Variants in TMEM253 observed in about 807,000 individuals in gnomAD.
TMEM253 encodes the protein transmembrane protein C14orf176.
Under a neutral mutation model 20.3 loss-of-function variants are expected in TMEM253, and 22 were observed. The observed-to-expected ratio is 1.08, with a 90% CI of 0.78 to 1.55. The LOEUF is 1.55. TMEM253 is among the 40% of genes most tolerant of loss of function. The pLI is 0.00. For synonymous variants in TMEM253, 92 were observed against 102.6 expected (o/e 0.90, Z 0.62); for missense variants, 251 against 266.1 (o/e 0.94, Z 0.39).
Position 21,101,199 on chromosome 14 carries a change from C to T in TMEM253, c.-37+15C>T. On this transcript the variant is annotated intron_variant, in intron 1 of 6. Coordinates refer to ENST00000556585, the Ensembl canonical transcript of TMEM253. ...CTTCAGACTAGGTAGGTGTGAGGAC[C>T]TGGACCTCAAATCCCTGGATATTGG... is the stretch of plus-strand genomic sequence containing the variant. The T allele has an allele frequency of 1.4e-6, 1 of 727,544 alleles. No homozygotes were observed. The highest frequency in any genetic ancestry group is 2.2e-6 in the Non-Finnish European group (1 of 446,530). The allele number at this position is 727,544 out of a possible 1,614,324, so 45.1% of individuals were successfully genotyped here.
In TMEM253 at chr14:21,102,728, G is replaced by GA. The variant is rs1460483553; in HGVS notation, c.486dup (p.Pro163ThrfsTer20). The GA allele has an allele frequency of 3.9e-6, 6 of 1,551,346 alleles. No homozygotes were observed. Among genetic ancestry groups the GA allele is most frequent in the Admixed American group, 2.0e-5 (1 of 50,994 alleles). Reference sequence around the variant, plus strand: ...ACGCCCTATTCTTGCTGAGCCAGAGGAAACCAGGATGCTGCAGGAGCCAGA... The same window carrying GA: ...ACGCCCTATTCTTGCTGAGCCAGAGGAAAACCAGGATGCTGCAGGAGCCAGA... On this transcript the variant is annotated frameshift_variant, in exon 6 of 7. Coordinates refer to ENST00000556585, the Ensembl canonical transcript of TMEM253. LOFTEE classifies it low-confidence loss of function (END_TRUNC).
At chr14:21,101,235 A>C (rs992561745) in intron 1 of TMEM253, 51 bp downstream of exon 1, 3 of 978,814 alleles carry the variant, frequency 3.1e-6, no homozygotes, top group Non-Finnish European at 4.6e-6. Flanking sequence ...GAGTGGGCAG[A>C]GGTGTAGCTG....
Position 21,101,303 on chromosome 14 carries a change from C to T in TMEM253, c.-36-5C>T, listed in dbSNP as rs1427251342. On this transcript the variant is annotated splice_polypyrimidine_tract_variant and splice_region_variant and intron_variant, in intron 1 of 6. Coordinates refer to ENST00000556585, the Ensembl canonical transcript of TMEM253. Reference sequence around the variant, plus strand: ...TAGACAGAACCTATAACGCATTTTTCCCAGCCTAGGAAGCACCTAATTCTT... The same window carrying T: ...TAGACAGAACCTATAACGCATTTTTTCCAGCCTAGGAAGCACCTAATTCTT... 12 of 1,540,700 alleles carry T rather than the reference C, an allele frequency of 7.8e-6. No homozygotes were observed. Among genetic ancestry groups the T allele is most frequent in the Non-Finnish European group, 9.7e-6 (11 of 1,138,578 alleles).
chr14:21,101,508 TTCCATCCA>T, intron 2 of TMEM253, 57 bp downstream of exon 2: 3 of 1,456,280 alleles, frequency 2.1e-6, no homozygotes, highest in African/African-American at 1.4e-5. Context: ...CCCAATTCAA[TTCCATCCA>T]TCCATCCATC....
In TMEM253 at chr14:21,102,213, T is replaced by C; in HGVS notation, c.276+93T>C. Reference sequence around the variant, plus strand: ...AGGAAGTAAGTGGCTAAGTGTTGACTCATTCTCTCAGCTGTCACCACTGAC... The same window carrying C: ...AGGAAGTAAGTGGCTAAGTGTTGACCCATTCTCTCAGCTGTCACCACTGAC... On this transcript the variant is annotated intron_variant, in intron 4 of 6. Coordinates refer to ENST00000556585, the Ensembl canonical transcript of TMEM253. 1.4e-6 allele frequency: 2 copies of C among 1,451,476 alleles called. 1 individual carries two copies. Among genetic ancestry groups the C allele is most frequent in the African/African-American group, 2.8e-5 (2 of 70,508 alleles). The allele number at this position is 1,451,476 out of a possible 1,614,324, so 89.9% of individuals were successfully genotyped here.
At chr14:21,101,695 G>A in intron 2 of TMEM253, 170 bp from the exon 3 acceptor site, 1 of 669,316 alleles carries the variant, frequency 1.5e-6, no homozygotes, top group South Asian at 2.0e-5. Context: ...ATATGAGGCA[G>A]AAAAAATTAA....
chr14:21,102,493 C>T (rs1045321026), exon 5 of TMEM253: 1 of 1,551,566 alleles, frequency 6.4e-7, no homozygotes, highest in African/African-American at 1.4e-5. Context: ...GCCTTGGGGC[C>T]TGCCCCAACT....
At chr14:21,102,360 A>T in intron 4 of TMEM253, 45 bp from the exon 5 acceptor site, 1 of 1,546,002 alleles carries the variant, frequency 6.5e-7, no homozygotes, top group Non-Finnish European at 8.8e-7. Flanking sequence ...TTGAGGTTGG[A>T]ATGACTCCCC....
At chr14:21,102,432 T>C (rs989073583) in exon 5 of TMEM253, 50 of 1,551,498 alleles carry the variant, frequency 3.2e-5, no homozygotes, top group Non-Finnish European at 4.2e-5. Flanking sequence ...ATTCAACACC[T>C]TCAACTTGAT....
chr14:21,101,059 A>C, upstream of TMEM253: 1 of 314,096 alleles, frequency 3.2e-6, no homozygotes, highest in Non-Finnish European at 6.2e-6. Context: ...TTGCCCCACC[A>C]CACCCCATCC....
upstream of TMEM253, among the ~76,000 whole-genome samples, chr14:21,100,601 C>T (rs186693273): frequency 1.5e-4 from 23 of 152,194 alleles, no homozygotes; most frequent in Non-Finnish European, 2.5e-4. Context: ...CAATCCCCAC[C>T]ATAAACAGGG....
exon 7 of TMEM253, chr14:21,103,160 G>T: frequency 1.3e-6 from 2 of 1,551,680 alleles, no homozygotes; most frequent in South Asian, 2.4e-5. Flanking sequence ...GTTGGAAGAG[G>T]TTCCTGGTTT....
chr14:21,102,653 G>A, exon 6 of TMEM253: 4 of 1,551,498 alleles, frequency 2.6e-6, no homozygotes, highest in Non-Finnish European at 3.5e-6. Context: ...TGCTGGTGCT[G>A]GAACTCAGTG....
rs1383407688 is a variant in TMEM253, at chr14:21,103,409, ACCTGGACGAGAATATAT to A, written c.*155_*171del. 9 of 1,291,476 alleles carry A rather than the reference ACCTGGACGAGAATATAT, an allele frequency of 7.0e-6. No individual in the cohort carries two copies. In the East Asian group the frequency reaches 7.6e-5, roughly 11 times the overall value. 80.0% of individuals were successfully genotyped at this position (1,291,476 alleles called of 1,614,324 possible). On this transcript the variant is annotated 3_prime_UTR_variant, in exon 7 of 7. Coordinates refer to ENST00000556585, the Ensembl canonical transcript of TMEM253. ...TTCCTTCCCTGTTAGGGGAAGATAC[ACCTGGACGAGAATATAT>A]CCTCACCTCACCACCCTGAAAAGCT... is the stretch of plus-strand genomic sequence containing the variant.
At chr14:21,098,883 T>TA (rs1430725415), upstream of TMEM253, 1 of 1,282,450 alleles carries the variant, frequency 7.8e-7, no homozygotes, top group Non-Finnish European at 1.0e-6. Flanking sequence ...CCTGGGGTTT[T>TA]ATCTCAAAGC....
upstream of TMEM253, among the ~76,000 whole-genome samples, chr14:21,099,488 G>A (rs940232892): frequency 6.6e-6 from 1 of 152,128 alleles, no homozygotes; most frequent in Admixed American, 6.5e-5. Flanking sequence ...CCCACTCCCC[G>A]GGAAAGAAAA....
intron 5 of TMEM253, 34 bp from the exon 6 acceptor site, chr14:21,102,599 G>C (rs1889715087): frequency 6.4e-7 from 1 of 1,551,008 alleles, no homozygotes; most frequent in African/African-American, 1.4e-5. Context: ...AACAGGTGCG[G>C]GGTCCCTGCA....
exon 2 of TMEM253, chr14:21,101,424 G>A: frequency 1.9e-6 from 3 of 1,551,540 alleles, no homozygotes; most frequent in Non-Finnish European, 1.7e-6. Flanking sequence ...CAAGGCACAG[G>A]CAGAGTGGGC....
chr14:21,102,347 G>A (rs2139351871), intron 4 of TMEM253, 58 bp from the exon 5 acceptor site: 1 of 1,534,604 alleles, frequency 6.5e-7, no homozygotes, highest in East Asian at 2.5e-5. Context: ...CTGCAAGTGG[G>A]GATTGAGGTT....
Sources: allele counts gnomAD v4.1 joint callset (sites outside exome capture counted in the v4.1 genomes callset), GRCh38; gene constraint gnomAD v4.1.1; transcripts MANE v1.5; gene names NCBI Gene and HGNC (gene_info 2026-07-23, HGNC 2026-07-21).